The following GNA14 variants were observed in gnomAD, a reference collection of about 807,000 sequenced individuals.
The protein encoded by GNA14 is G protein subunit alpha 14.
In GNA14, 50 loss-of-function variants were observed where a neutral mutation model predicts 42.0. The ratio of observed to expected loss-of-function variants is 1.19; its 90% CI spans 0.95 to 1.51. GNA14 has a LOEUF of 1.51. Ranked by LOEUF, GNA14 falls within the 40% of genes most tolerant of loss-of-function variation. The pLI is 0.00. For missense variants in GNA14, 473 were observed against 446.2 expected (o/e 1.06, Z -0.54); for synonymous variants, 173 against 163.1 (o/e 1.06, Z -0.46).
Position 77,495,837 on chromosome 9 carries a change from T to C in GNA14, c.309+33232A>G, listed in dbSNP as rs147052740. On this transcript the variant is annotated intron_variant, in intron 2 of 6. Coordinates refer to ENST00000341700, the MANE Select transcript of GNA14 (RefSeq NM_004297.4). ...AATGCTCTGTTTCTTTAAAAACAAG[T>C]TGTTCTGAGCTAACCTAGCCAAACA... Among the ~76,000 whole-genome samples the C allele has an allele frequency of 1.7e-3, 254 of 152,360 alleles. 2 individuals carry two copies. Among genetic ancestry groups the C allele is most frequent in the Middle Eastern group, 0.014 (4 of 294 alleles).
intron 4 of GNA14, among the ~76,000 whole-genome samples, chr9:77,429,943 C>T (rs187897870): frequency 5.9e-5 from 9 of 152,140 alleles, no homozygotes; most frequent in Admixed American, 3.3e-4. Context: ...CACACACACA[C>T]ACCAGTCCCT....
intron 2 of GNA14, among the ~76,000 whole-genome samples, chr9:77,497,308 G>T (rs1347118463): frequency 6.6e-6 from 1 of 152,102 alleles, no homozygotes; most frequent in Non-Finnish European, 1.5e-5. Flanking sequence ...GGCCGGAAAT[G>T]GACACTCCAG....
chr9:77,508,288 G>C (rs544588189), intron 2 of GNA14, among the ~76,000 whole-genome samples: 2 of 152,120 alleles, frequency 1.3e-5, no homozygotes, highest in Admixed American at 6.6e-5. Flanking sequence ...AATGATTTGT[G>C]GCATTGGTAT....
intron 1 of GNA14, among the ~76,000 whole-genome samples, chr9:77,538,930 A>G (rs968891363): frequency 1.3e-5 from 2 of 152,188 alleles, no homozygotes; most frequent in African/African-American, 4.8e-5. Context: ...CACTCAGGAA[A>G]AAATAAGCTT....
At chr9:77,547,847 T>C (rs1177943729) in intron 1 of GNA14, among the ~76,000 whole-genome samples, 2 of 152,214 alleles carry the variant, frequency 1.3e-5, no homozygotes, top group Non-Finnish European at 2.9e-5. Context: ...TCATCATTTG[T>C]TGTGAGAATG....
In GNA14 at chr9:77,529,099, T is replaced by G. The variant is rs1236539764; in HGVS notation, c.279A>C (p.Leu93=). 7 of 1,614,166 alleles carry G rather than the reference T, an allele frequency of 4.3e-6. No homozygotes were observed. The highest frequency in any genetic ancestry group is 5.1e-6 in the Non-Finnish European group (6 of 1,179,990). ...TCTGTTCACACACATACTGTATCCT[T>G]AGCGTGTCCATCGCTCTGATCATGG... is the stretch of plus-strand genomic sequence containing the variant. The part of the protein sequence containing the change: ...MQAMIRAMDT[L]RIQYVCEQNK... The change falls in exon 2 of 7, where the codon CTA becomes CTC. Residue 93 remains leucine, a synonymous_variant. Transcript: ENST00000341700.
chr9:77,630,493 G>T (rs1320516153), intron 1 of GNA14, among the ~76,000 whole-genome samples: 1 of 151,920 alleles, frequency 6.6e-6, no homozygotes, highest in Non-Finnish European at 1.5e-5. Flanking sequence ...CTTTTTCGGA[G>T]GTTTGAAATA....
chr9:77,607,877 G>A (rs1472310890), intron 1 of GNA14, among the ~76,000 whole-genome samples: 14 of 152,094 alleles, frequency 9.2e-5, no homozygotes, highest in Non-Finnish European at 1.9e-4. Flanking sequence ...GACTGGGACC[G>A]CACCCTCCTG....
At chr9:77,549,127 G>C (rs981613484) in intron 1 of GNA14, among the ~76,000 whole-genome samples, 3 of 152,110 alleles carry the variant, frequency 2.0e-5, no homozygotes, top group Admixed American at 2.0e-4. Flanking sequence ...CAGAGACAGG[G>C]TTTCACCATG....
intron 1 of GNA14, among the ~76,000 whole-genome samples, chr9:77,613,723 A>T (rs1823767113): frequency 6.6e-6 from 1 of 152,186 alleles, no homozygotes; most frequent in African/African-American, 2.4e-5. Flanking sequence ...AGTGGTTTTT[A>T]AAAAGACTCA....
chr9:77,453,174 G>C (rs1274120754), intron 2 of GNA14, among the ~76,000 whole-genome samples: 1 of 152,116 alleles, frequency 6.6e-6, no homozygotes, highest in South Asian at 2.1e-4. Flanking sequence ...AAAGAGGCCT[G>C]AGGGAGCTTG....
intron 1 of GNA14, among the ~76,000 whole-genome samples, chr9:77,537,234 A>C (rs77584693): frequency 0.065 from 9,891 of 151,778 alleles, 447 homozygotes; most frequent in African/African-American, 0.12. Flanking sequence ...TCCCCTCCCA[A>C]CCACACCCCC....
intron 2 of GNA14, among the ~76,000 whole-genome samples, chr9:77,477,699 T>C (rs1836455473): frequency 6.6e-6 from 1 of 152,180 alleles, no homozygotes; most frequent in Admixed American, 6.5e-5. Context: ...TGAAGCTATT[T>C]GAGGGAAGCA....
At chr9:77,464,391 G>GTA (rs1564022454) in intron 2 of GNA14, among the ~76,000 whole-genome samples, 15 of 141,670 alleles carry the variant, frequency 1.1e-4, no homozygotes, top group African/African-American at 3.9e-4. Flanking sequence ...GTGTGTGTGT[G>GTA]TTTAAATGTG....
At chr9:77,550,659 T>C (rs1837776616) in intron 1 of GNA14, among the ~76,000 whole-genome samples, 1 of 152,226 alleles carries the variant, frequency 6.6e-6, no homozygotes, top group Admixed American at 6.5e-5. Context: ...ACATTTAAAC[T>C]ATCTTCAAAG....
chr9:77,479,852 G>A (rs1331644076), intron 2 of GNA14, among the ~76,000 whole-genome samples: 8 of 151,918 alleles, frequency 5.3e-5, no homozygotes, highest in Admixed American at 5.2e-4. Context: ...CTCTCTGTTT[G>A]TCTGTTATTG....
At chr9:77,565,071 G>A (rs1462226599) in intron 1 of GNA14, among the ~76,000 whole-genome samples, 2 of 152,154 alleles carry the variant, frequency 1.3e-5, no homozygotes, top group East Asian at 3.8e-4. Flanking sequence ...TTAACAGTAT[G>A]CCTCTGAGTG....
chr9:77,492,620 T>C (rs114326295), intron 2 of GNA14, among the ~76,000 whole-genome samples: 1,587 of 152,042 alleles, frequency 0.01, 23 homozygotes, highest in African/African-American at 0.036. Flanking sequence ...TACGAAGAAA[T>C]AGAAAACCCT....
At chr9:77,645,774 C>A (rs1037658698) in intron 1 of GNA14, among the ~76,000 whole-genome samples, 4 of 152,176 alleles carry the variant, frequency 2.6e-5, no homozygotes, top group Non-Finnish European at 4.4e-5. Flanking sequence ...ATTTTTCATA[C>A]AAAGAGCCAG....
Sources: gnomAD v4.1 joint callset for allele counts (sites outside exome capture counted in the v4.1 genomes callset) on GRCh38, gnomAD v4.1.1 for gene constraint, MANE v1.5 for transcripts, NCBI Gene and HGNC (gene_info 2026-07-23, HGNC 2026-07-21) for gene names.